Variants in DOCK3 observed in about 807,000 individuals in gnomAD.
The protein encoded by DOCK3 is dedicator of cytokinesis protein 3.
DOCK3 carries 60 observed loss-of-function variants against 265.6 expected under a neutral mutation model. That is an observed-to-expected ratio of 0.23 (90% CI 0.18 to 0.28). The LOEUF is 0.28. DOCK3 is among the 10% of genes least tolerant of loss of function. DOCK3 has a pLI of 1.00. For missense variants in DOCK3, 1,981 were observed against 2,594.3 expected (o/e 0.76, Z 5.14); for synonymous variants, 881 against 938.0 (o/e 0.94, Z 1.11).
intron 5 of DOCK3, among the ~76,000 whole-genome samples, chr3:50,966,956 CT>C (rs2077051967): frequency 6.6e-6 from 1 of 151,886 alleles, no homozygotes; most frequent in South Asian, 2.1e-4. Flanking sequence ...TTAAAAAAAT[CT>C]TTTTATTGAT....
chr3:51,137,460 C>T (rs951157528), intron 9 of DOCK3, among the ~76,000 whole-genome samples: 4 of 152,124 alleles, frequency 2.6e-5, no homozygotes, highest in Non-Finnish European at 5.9e-5. Context: ...AGGATGTACC[C>T]TCGTTGAGGA....
intron 5 of DOCK3, among the ~76,000 whole-genome samples, chr3:50,961,736 A>G (rs1053018313): frequency 3.9e-5 from 6 of 152,218 alleles, no homozygotes; most frequent in Non-Finnish European, 8.8e-5. Context: ...TATAGGGACA[A>G]TATGGTTCTT....
At chr3:51,279,992 C>A in intron 26 of DOCK3, 114 bp from the exon 27 acceptor site, 1 of 771,878 alleles carries the variant, frequency 1.3e-6, no homozygotes, top group Non-Finnish European at 2.1e-6. Flanking sequence ...CATCTTTCTT[C>A]CATGATCATT....
chr3:50,842,044 G>A (rs1021507794), intron 3 of DOCK3, among the ~76,000 whole-genome samples: 26 of 151,972 alleles, frequency 1.7e-4, no homozygotes, highest in Non-Finnish European at 3.5e-4. Context: ...ATAATTAGAT[G>A]AATTGTTTCT....
intron 35 of DOCK3, chr3:51,336,800 A>C (rs2084906580): frequency 2.2e-6 from 1 of 448,338 alleles, no homozygotes. Flanking sequence ...TTAGCTATGA[A>C]GTTCTGGTTA....
chr3:50,675,261 G>C lies in DOCK3; in HGVS notation c.-3G>C. The C allele has an allele frequency of 8.1e-7, 1 of 1,236,422 alleles. No individual in the cohort carries two copies. The highest frequency in any genetic ancestry group is 1.0e-6 in the Non-Finnish European group (1 of 975,724). The allele number at this position is 1,236,422 out of a possible 1,614,324, so 76.6% of individuals were successfully genotyped here. A position where few individuals can be genotyped will look rare whatever the true frequency, so the allele number is the denominator to read the frequency against. Reference sequence around the variant, plus strand: ...CGCCCGCGGGGCCGCGCCCGGCACGGCCATGTGGACCCCCACGGAGGAGGA... The same window carrying C: ...CGCCCGCGGGGCCGCGCCCGGCACGCCCATGTGGACCCCCACGGAGGAGGA... On this transcript the variant is annotated 5_prime_UTR_variant, in exon 1 of 53. Coordinates refer to ENST00000266037, the MANE Select transcript of DOCK3 (RefSeq NM_004947.5). This position sits in a 1 kb window ranked among gnomAD's most constrained non-coding sequence, Gnocchi z 6.1.
chr3:50,944,140 G>C (rs1347863642), intron 5 of DOCK3, among the ~76,000 whole-genome samples: 1 of 152,098 alleles, frequency 6.6e-6, no homozygotes, highest in African/African-American at 2.4e-5. Context: ...CAATGAAATG[G>C]ACTTCATTTG....
chr3:50,723,630 A>C (rs1313267480), intron 1 of DOCK3, among the ~76,000 whole-genome samples: 1 of 152,248 alleles, frequency 6.6e-6, no homozygotes, highest in African/African-American at 2.4e-5. Context: ...GTGCTGGGAA[A>C]ACTGGCTAGC....
chr3:50,959,530 TTGTGTG>T (rs201803035), intron 5 of DOCK3, among the ~76,000 whole-genome samples: 17 of 146,172 alleles, frequency 1.2e-4, no homozygotes, highest in African/African-American at 3.6e-4. Context: ...TCTTTTTATG[TTGTGTG>T]TGTGTGTGTG....
At chr3:50,828,888 AT>A (rs2044948177) in intron 2 of DOCK3, among the ~76,000 whole-genome samples, 1 of 151,470 alleles carries the variant, frequency 6.6e-6, no homozygotes, top group South Asian at 2.1e-4. Context: ...TAATTTTTGT[AT>A]TTTTAGTAGA....
chr3:50,862,853 T>C (rs914954922), intron 3 of DOCK3, among the ~76,000 whole-genome samples: 4 of 151,848 alleles, frequency 2.6e-5, no homozygotes, highest in African/African-American at 9.7e-5. Context: ...GGACTCACAT[T>C]CAGCAAGGGT....
chr3:50,723,568 A>T (rs781049361), intron 1 of DOCK3, among the ~76,000 whole-genome samples: 1 of 152,184 alleles, frequency 6.6e-6, no homozygotes, highest in Non-Finnish European at 1.5e-5. Flanking sequence ...CTGATCTTTG[A>T]CAAACTTGAC....
At chr3:51,318,460 G>T (rs2083492267) in intron 32 of DOCK3, among the ~76,000 whole-genome samples, 1 of 152,022 alleles carries the variant, frequency 6.6e-6, no homozygotes, top group Admixed American at 6.6e-5. Flanking sequence ...ATTTATTTAG[G>T]TGTTCTTTTA....
chr3:50,715,455 G>A (rs2037043336), intron 1 of DOCK3, among the ~76,000 whole-genome samples: 1 of 152,144 alleles, frequency 6.6e-6, no homozygotes. Flanking sequence ...GGAGGCTGAG[G>A]TGGGAGGATC....
At chr3:51,121,048 A>T (rs1388051629) in intron 9 of DOCK3, among the ~76,000 whole-genome samples, 1 of 151,580 alleles carries the variant, frequency 6.6e-6, no homozygotes, top group Non-Finnish European at 1.5e-5. Context: ...AAACAAAAAA[A>T]CTCCTGCAGC....
intron 1 of DOCK3, among the ~76,000 whole-genome samples, chr3:50,747,874 G>A (rs7428695): frequency 2.4e-3 from 29 of 11,876 alleles, no homozygotes; most frequent in Non-Finnish European, 6.3e-3. Flanking sequence ...AAAAAAAAAA[G>A]GGGGGGGGTA....
chr3:51,016,535 TG>T (rs1433918949), intron 5 of DOCK3, among the ~76,000 whole-genome samples: 16 of 47,930 alleles, frequency 3.3e-4, no homozygotes, highest in East Asian at 1.2e-3. Context: ...ATATAATATA[TG>T]ATATATATAT....
At chr3:50,792,207 A>C (rs2042515476) in intron 2 of DOCK3, among the ~76,000 whole-genome samples, 1 of 148,982 alleles carries the variant, frequency 6.7e-6, no homozygotes, top group Non-Finnish European at 1.5e-5. Context: ...TAGGTATTTC[A>C]TTCTTTTTAT....
chr3:50,699,957 T>C lies in DOCK3; in HGVS notation c.37+24657T>C, dbSNP rs1430846822. 2.0e-5 allele frequency among the ~76,000 whole-genome samples: 3 copies of C among 152,302 alleles called. No individual in the cohort carries two copies. In the East Asian group the frequency reaches 5.8e-4, roughly 29 times the overall value. On this transcript the variant is annotated intron_variant, in intron 1 of 52. Coordinates refer to ENST00000266037, the MANE Select transcript of DOCK3 (RefSeq NM_004947.5). Reference sequence around the variant, plus strand: ...TGTAAGATATTCATCACTCCAAACATTGATCATTTCTTTGTGCTGGAAACA... The same window carrying C: ...TGTAAGATATTCATCACTCCAAACACTGATCATTTCTTTGTGCTGGAAACA...
Sources: gnomAD v4.1 joint callset for allele counts (sites outside exome capture counted in the v4.1 genomes callset) on GRCh38, gnomAD v4.1.1 for gene constraint, Gnocchi (gnomAD v3.1) non-coding constraint, MANE v1.5 for transcripts, NCBI Gene and HGNC (gene_info 2026-07-23, HGNC 2026-07-21) for gene names.